Variants in HIP1 observed in about 807,000 individuals in gnomAD.
HIP1 encodes huntingtin interacting protein 1, also known as huntingtin-interacting protein 1.
A neutral mutation model predicts 147.6 loss-of-function variants in HIP1; 65 were observed. That is an observed-to-expected ratio of 0.44 (90% CI 0.36 to 0.54). HIP1 has a LOEUF of 0.54. Among genes scored for constraint, HIP1 ranks in the 20% least tolerant of loss-of-function variants. The pLI, the probability that HIP1 is intolerant of heterozygous loss-of-function variation, is 0.00. For synonymous variants in HIP1, 479 were observed against 504.0 expected (o/e 0.95, Z 0.67); for missense variants, 1,061 against 1,299.6 (o/e 0.82, Z 2.82).
At chr7:75,723,803 A>T (rs1170218451) in intron 1 of HIP1, among the ~76,000 whole-genome samples, 2 of 152,026 alleles carry the variant, frequency 1.3e-5, no homozygotes, top group African/African-American at 2.4e-5. Context: ...TTACATTTGC[A>T]AAGTCCCTTC....
At chr7:75,690,832 C>A (rs572364315) in intron 1 of HIP1, among the ~76,000 whole-genome samples, 1 of 151,960 alleles carries the variant, frequency 6.6e-6, no homozygotes, top group African/African-American at 2.4e-5. Flanking sequence ...ATTTGCACTC[C>A]AGCCTGGGCG....
At chr7:75,554,922 A>G (rs1229003732) in intron 19 of HIP1, among the ~76,000 whole-genome samples, 1 of 151,628 alleles carries the variant, frequency 6.6e-6, no homozygotes, top group African/African-American at 2.4e-5. Flanking sequence ...AAAATTAGCC[A>G]AGGCCAGGCA....
At chr7:75,701,049 T>C (rs977542522) in intron 1 of HIP1, among the ~76,000 whole-genome samples, 1 of 152,152 alleles carries the variant, frequency 6.6e-6, no homozygotes, top group African/African-American at 2.4e-5. Context: ...GAATGACTGC[T>C]GTAGCCTCTC....
intron 1 of HIP1, among the ~76,000 whole-genome samples, chr7:75,620,578 C>T (rs1179618): frequency 0.25 from 38,388 of 151,716 alleles, 6,233 homozygotes; most frequent in African/African-American, 0.47. Flanking sequence ...CCCAGCTACT[C>T]GGGAAGCTGA....
chr7:75,589,115 C>T lies in HIP1; in HGVS notation c.385-2282G>A, dbSNP rs1358759481. Among the ~76,000 whole-genome samples the T allele has an allele frequency of 2.7e-5, 4 of 149,722 alleles. No individual in the cohort carries two copies. The South Asian group carries it at 8.4e-4, about 32-fold the overall frequency. On this transcript the variant is annotated intron_variant, in intron 4 of 30. Coordinates refer to ENST00000336926, the MANE Select transcript of HIP1 (RefSeq NM_005338.7). ...CAGTGAGCAGAGATCGTGCCATTGC[C>T]CTCCAGCCTGGGCAACAAGAGCAAA... is the stretch of plus-strand genomic sequence containing the variant.
At chr7:75,658,162 C>T (rs933807438) in intron 1 of HIP1, among the ~76,000 whole-genome samples, 2 of 152,134 alleles carry the variant, frequency 1.3e-5, no homozygotes, top group Admixed American at 6.6e-5. Context: ...GTTGTGATCT[C>T]GTCTCACTGC....
intron 8 of HIP1, among the ~76,000 whole-genome samples, chr7:75,572,587 C>T (rs142525880): frequency 6.6e-6 from 1 of 152,168 alleles, no homozygotes; most frequent in Non-Finnish European, 1.5e-5. Flanking sequence ...CCTGCCACTG[C>T]CATCATGCCA....
Position 75,729,740 on chromosome 7 carries a change from C to T in HIP1, c.120+9061G>A, listed in dbSNP as rs557517051. On this transcript the variant is annotated intron_variant, in intron 1 of 30. Transcript: ENST00000336926. ...GGCAGAGGTTGCAGTGAGCCGAGAT[C>T]GCGCTACTGCACTCCAGTCTGGTTG... 1.7e-3 allele frequency among the ~76,000 whole-genome samples: 265 copies of T among 152,182 alleles called. 1 individual carries two copies. Among genetic ancestry groups the T allele is most frequent in the African/African-American group, 6.1e-3 (254 of 41,516 alleles).
chr7:75,600,681 T>C (rs1554502803), intron 1 of HIP1, among the ~76,000 whole-genome samples: 7 of 152,172 alleles, frequency 4.6e-5, no homozygotes. Flanking sequence ...TATAGACTTC[T>C]CTACATCTTG....
chr7:75,583,108 C>T (rs1796119158), intron 5 of HIP1, among the ~76,000 whole-genome samples: 1 of 152,160 alleles, frequency 6.6e-6, no homozygotes, highest in South Asian at 2.1e-4. Context: ...CTCAAGTCCA[C>T]CCACTACTCA....
intron 2 of HIP1, among the ~76,000 whole-genome samples, chr7:75,593,709 C>T (rs1189735864): frequency 6.6e-6 from 1 of 151,888 alleles, no homozygotes; most frequent in Non-Finnish European, 1.5e-5. Flanking sequence ...AGTCCTGCAC[C>T]TTGACCCCTT....
intron 4 of HIP1, among the ~76,000 whole-genome samples, chr7:75,591,565 A>G (rs1270556519): frequency 2.0e-5 from 3 of 151,958 alleles, no homozygotes; most frequent in Admixed American, 1.3e-4. Context: ...TATGACTCCA[A>G]CGGGACCAGT....
chr7:75,559,690 G>T, intron 14 of HIP1, 42 bp downstream of exon 14: 1 of 1,385,902 alleles, frequency 7.2e-7, no homozygotes, highest in Non-Finnish European at 9.8e-7. Context: ...TGCTGCCCGC[G>T]CCTGCCCCCG....
chr7:75,584,917 C>T (rs1386631599), intron 5 of HIP1, among the ~76,000 whole-genome samples: 2 of 151,198 alleles, frequency 1.3e-5, no homozygotes, highest in African/African-American at 2.4e-5. Context: ...GGCGCCATCT[C>T]GGCTCACTGC....
At chr7:75,608,117 C>A (rs1278334366) in intron 1 of HIP1, among the ~76,000 whole-genome samples, 3 of 152,096 alleles carry the variant, frequency 2.0e-5, no homozygotes, top group Non-Finnish European at 4.4e-5. Context: ...TCGGCCTGGC[C>A]AAGATGGTGA....
chr7:75,564,099 C>A (rs1554495083), intron 9 of HIP1, among the ~76,000 whole-genome samples: 1 of 152,068 alleles, frequency 6.6e-6, no homozygotes, highest in Non-Finnish European at 1.5e-5. Context: ...GCTGTGTTGC[C>A]CAGGCTGGTC....
At chr7:75,688,030 A>T (rs552392742) in intron 1 of HIP1, among the ~76,000 whole-genome samples, 53 of 152,178 alleles carry the variant, frequency 3.5e-4, no homozygotes, top group African/African-American at 1.3e-3. Flanking sequence ...CCAACTAGAA[A>T]GAGGCCTCCT....
chr7:75,678,630 C>T (rs1324948208), intron 1 of HIP1, among the ~76,000 whole-genome samples: 3 of 152,142 alleles, frequency 2.0e-5, no homozygotes, highest in African/African-American at 7.2e-5. Context: ...AGGTGTGAGC[C>T]ACTGCGTCTG....
intron 9 of HIP1, among the ~76,000 whole-genome samples, chr7:75,566,897 A>C (rs1237564926): frequency 6.6e-6 from 1 of 151,288 alleles, no homozygotes; most frequent in Non-Finnish European, 1.5e-5. Flanking sequence ...AGATCACTTG[A>C]GGTCAGGAGT....
Sources: allele counts gnomAD v4.1 joint callset (sites outside exome capture counted in the v4.1 genomes callset), GRCh38; gene constraint gnomAD v4.1.1; transcripts MANE v1.5; gene names NCBI Gene and HGNC (gene_info 2026-07-23, HGNC 2026-07-21).